MAP3K19: variants seen among roughly 807,000 people sequenced by gnomAD.
The protein encoded by MAP3K19 is mitogen-activated protein kinase kinase kinase 19.
MAP3K19 carries 91 observed loss-of-function variants against 114.4 expected under a neutral mutation model. That is an observed-to-expected ratio of 0.80 (90% CI 0.67 to 0.95). MAP3K19 has a LOEUF of 0.95. Among genes scored for constraint, MAP3K19 ranks in the 40% least tolerant of loss-of-function variants. The pLI is 0.00. For missense variants in MAP3K19, 1,471 were observed against 1,573.2 expected (o/e 0.94, Z 1.10); for synonymous variants, 518 against 530.5 (o/e 0.98, Z 0.32).
At chr2:134,990,518 C>T (rs1293926643) in intron 9 of MAP3K19, among the ~76,000 whole-genome samples, 2 of 150,430 alleles carry the variant, frequency 1.3e-5, no homozygotes, top group African/African-American at 2.5e-5. Context: ...TGCTCTGTTG[C>T]CAGGCTGGAG....
At chr2:134,972,372 G>A (rs1683940216) in intron 12 of MAP3K19, among the ~76,000 whole-genome samples, 1 of 151,862 alleles carries the variant, frequency 6.6e-6, no homozygotes, top group Non-Finnish European at 1.5e-5. Flanking sequence ...TCTGATCCTG[G>A]TTTATTTCAC....
In MAP3K19 at chr2:134,981,025, A is replaced by G; in HGVS notation, c.3716T>C (p.Ile1239Thr). Residue 1239 changes from isoleucine (I) to threonine (T), a missense_variant, in exon 12 of 13, where the codon ATC becomes ACC. By Grantham distance (89) the Ile-to-Thr change is moderately conservative (BLOSUM62 -1). Transcript: ENST00000392915. ...TTTCCGTCCATAGCCAGACTCATTG[A>G]TGACTTCTGGGGCCATCCAATATGG... ...GTPYWMAPEV[I>T]NESGYGRKSD... 1 of 1,614,236 alleles carries G rather than the reference A, an allele frequency of 6.2e-7. No individual in the cohort carries two copies. Among genetic ancestry groups the G allele is most frequent in the Non-Finnish European group, 8.5e-7 (1 of 1,180,054 alleles).
At chr2:134,989,792 A>G (rs1238789379) in intron 9 of MAP3K19, among the ~76,000 whole-genome samples, 2 of 152,080 alleles carry the variant, frequency 1.3e-5, no homozygotes, top group Non-Finnish European at 2.9e-5. Context: ...ACAAATTAAA[A>G]TATGTCTGGC....
intron 6 of MAP3K19, among the ~76,000 whole-genome samples, chr2:135,000,897 A>G (rs1012961786): frequency 6.6e-6 from 1 of 152,190 alleles, no homozygotes; most frequent in African/African-American, 2.4e-5. Flanking sequence ...GGGAAGGAGT[A>G]TCGCAGGGAG....
chr2:135,031,857 A>G (rs1688388262), intron 2 of MAP3K19, among the ~76,000 whole-genome samples: 1 of 152,204 alleles, frequency 6.6e-6, no homozygotes, highest in South Asian at 2.1e-4. Context: ...GATAATTCCA[A>G]GATACTGTCT....
At position 135,014,182 on chromosome 2, in the gene MAP3K19, A is replaced by G. The variant is rs141978621; in HGVS notation, c.138+7533T>C. Among the ~76,000 whole-genome samples, 1,375 of 152,190 alleles carry G rather than the reference A, an allele frequency of 9.0e-3. 20 individuals carry two copies. Among genetic ancestry groups the G allele is most frequent in the African/African-American group, 0.03 (1,240 of 41,514 alleles). On this transcript the variant is annotated intron_variant, in intron 5 of 12. Coordinates refer to ENST00000392915, the MANE Select transcript of MAP3K19 (RefSeq NM_025052.5). ...AGCCTGGGTGACATGGTGAAACCCCATCTCTACAAAAAAATGCAAAAATTA... is the reference window on the plus strand; with the variant it reads ...AGCCTGGGTGACATGGTGAAACCCCGTCTCTACAAAAAAATGCAAAAATTA...
chr2:134,995,832 G>A (rs1211161597), intron 8 of MAP3K19, among the ~76,000 whole-genome samples: 1 of 152,120 alleles, frequency 6.6e-6, no homozygotes, highest in Non-Finnish European at 1.5e-5. Context: ...GGCAAGTAAT[G>A]TAAAAGTAAT....
At chr2:135,015,850 A>G (rs4494812) in intron 5 of MAP3K19, among the ~76,000 whole-genome samples, 37,660 of 151,696 alleles carry the variant, frequency 0.25, 6,039 homozygotes, top group African/African-American at 0.43. Flanking sequence ...CCGAGATTGC[A>G]CCACAGCACT....
At chr2:135,024,874 AT>A (rs1376382260) in intron 3 of MAP3K19, 133 bp from the exon 4 acceptor site, 1 of 464,778 alleles carries the variant, frequency 2.2e-6, no homozygotes, top group Non-Finnish European at 3.7e-6. Flanking sequence ...AATAATAATG[AT>A]TTCAAAATGT....
chr2:135,035,097 A>G (rs1330856994), intron 2 of MAP3K19, among the ~76,000 whole-genome samples: 1 of 151,532 alleles, frequency 6.6e-6, no homozygotes, highest in African/African-American at 2.4e-5. Flanking sequence ...GAAAATCCCA[A>G]ATAAGAAAAG....
intron 5 of MAP3K19, among the ~76,000 whole-genome samples, chr2:135,017,323 C>T (rs1000289109): frequency 1.3e-5 from 2 of 152,106 alleles, no homozygotes; most frequent in African/African-American, 4.8e-5. Context: ...AAGAATCTTC[C>T]AGTCTTTTGG....
chr2:135,037,510 T>C (rs1014408527), intron 2 of MAP3K19, among the ~76,000 whole-genome samples: 6 of 152,138 alleles, frequency 3.9e-5, no homozygotes, highest in East Asian at 1.9e-4. Flanking sequence ...AAGAGAGTGA[T>C]GAAATAATGA....
In MAP3K19 at chr2:134,987,605, G is replaced by A. The variant is rs1425391617; in HGVS notation, c.1267C>T (p.His423Tyr). 4 of 1,613,990 alleles carry A rather than the reference G, an allele frequency of 2.5e-6. No homozygotes were observed. The highest frequency in any genetic ancestry group is 3.4e-6 in the Non-Finnish European group (4 of 1,179,974). ...NKAASKRVSL[H>Y]KNEAMEPNNI... is the part of the protein sequence containing the mutation. ...TTTGGTTCCATTGCTTCATTTTTAT[G>A]TAATGAAACTCTTTTTGAAGCAGCT... The change falls in exon 10 of 13, where the codon CAT becomes TAT. Residue 423 changes from histidine (H) to tyrosine (Y), a missense_variant. Physicochemically the swap from His to Tyr is moderately conservative, Grantham distance 83. Coordinates refer to ENST00000392915, the MANE Select transcript of MAP3K19 (RefSeq NM_025052.5).
At chr2:134,988,310 A>G in intron 9 of MAP3K19, 57 bp from the exon 10 acceptor site, 1 of 1,425,150 alleles carries the variant, frequency 7.0e-7, no homozygotes, top group Non-Finnish European at 9.4e-7. Context: ...TATCACGCTA[A>G]CTCGTTTAAA....
intron 10 of MAP3K19, among the ~76,000 whole-genome samples, chr2:134,985,535 G>T (rs1685031925): frequency 6.6e-6 from 1 of 152,138 alleles, no homozygotes; most frequent in South Asian, 2.1e-4. Context: ...CTATTTGAAT[G>T]GTTTTGCTAA....
chr2:134,998,622 G>A lies in MAP3K19; in HGVS notation c.574+116C>T, dbSNP rs1199861724. On this transcript the variant is annotated intron_variant, in intron 8 of 12. Coordinates refer to ENST00000392915, the MANE Select transcript of MAP3K19 (RefSeq NM_025052.5). ...GGAATGTAAATTACACAAGGGCTGG[G>A]GTTATTTTCTGGTATGTTCACTGCT... The A allele has an allele frequency of 5.5e-6, 6 of 1,083,448 alleles. No individual in the cohort carries two copies. In the Admixed American group the frequency reaches 1.4e-4, roughly 25 times the overall value. 67.1% of individuals were successfully genotyped at this position (1,083,448 alleles called of 1,614,324 possible).
In MAP3K19 at chr2:135,031,711, C is replaced by A. The variant is rs77117161; in HGVS notation, c.-283-1211G>T. On this transcript the variant is annotated intron_variant, in intron 2 of 12. Transcript: ENST00000392915. ...CTACCACAGTGGCCTCATGGAGAGA[C>A]GACAGCGACTGAACAAGAGAAATGG... 2.8e-3 allele frequency among the ~76,000 whole-genome samples: 422 copies of A among 152,206 alleles called. 2 individuals are homozygous for A. The highest frequency in any genetic ancestry group is 9.6e-3 in the African/African-American group (399 of 41,522).
At chr2:135,038,319 A>G (rs1203054406) in intron 2 of MAP3K19, among the ~76,000 whole-genome samples, 2 of 151,830 alleles carry the variant, frequency 1.3e-5, no homozygotes, top group East Asian at 1.9e-4. Flanking sequence ...ATGTATGTAT[A>G]TATGTATGTA....
chr2:135,028,759 C>G (rs1016292743), intron 3 of MAP3K19, among the ~76,000 whole-genome samples: 2 of 152,152 alleles, frequency 1.3e-5, no homozygotes, highest in Non-Finnish European at 1.5e-5. Context: ...ATTTCCATCT[C>G]TATTTCACTT....
Sources: gnomAD v4.1 joint callset for allele counts (sites outside exome capture counted in the v4.1 genomes callset) on GRCh38, gnomAD v4.1.1 for gene constraint, MANE v1.5 for transcripts, NCBI Gene and HGNC (gene_info 2026-07-23, HGNC 2026-07-21) for gene names.